Variants in LRP1B observed in about 807,000 individuals in gnomAD.
LRP1B encodes the protein low-density lipoprotein receptor-related protein 1B.
Under a neutral mutation model 556.6 loss-of-function variants are expected in LRP1B, and 217 were observed. The observed-to-expected ratio is 0.39, with a 90% confidence interval of 0.35 to 0.44. The LOEUF is 0.44. LRP1B is among the 20% of genes least tolerant of loss of function. The probability of loss-of-function intolerance (pLI) is 1.00; values close to 1 mark genes in which losing one functional copy is unlikely to be tolerated. For missense variants in LRP1B, 5,053 were observed against 5,620.8 expected (o/e 0.90, Z 3.23); for synonymous variants, 2,047 against 1,865.8 (o/e 1.10, Z -2.50).
chr2:140,971,370 AG>A (rs1224676723), intron 18 of LRP1B, among the ~76,000 whole-genome samples: 1 of 152,188 alleles, frequency 6.6e-6, no homozygotes. Flanking sequence ...GAGCTTTTGG[AG>A]GAAGCCCTGT....
intron 49 of LRP1B, among the ~76,000 whole-genome samples, chr2:140,520,007 CTG>C (rs938121477): frequency 6.6e-6 from 1 of 152,062 alleles, no homozygotes; most frequent in Non-Finnish European, 1.5e-5. Flanking sequence ...TGCTTTTACA[CTG>C]TTTTTGGGAG....
At chr2:141,978,625 C>T (rs1226180552) in intron 1 of LRP1B, among the ~76,000 whole-genome samples, 1 of 151,722 alleles carries the variant, frequency 6.6e-6, no homozygotes, top group Non-Finnish European at 1.5e-5. Context: ...CTTCCAGAGC[C>T]ATTAATAAAG....
chr2:140,317,925 T>C (rs188495919), intron 82 of LRP1B, among the ~76,000 whole-genome samples: 1 of 149,418 alleles, frequency 6.7e-6, no homozygotes, highest in Admixed American at 6.6e-5. Flanking sequence ...ATAATGGTTC[T>C]ATAATGAAAA....
chr2:141,979,416 G>C (rs1220307837), intron 1 of LRP1B, among the ~76,000 whole-genome samples: 1 of 152,078 alleles, frequency 6.6e-6, no homozygotes, highest in Non-Finnish European at 1.5e-5. Flanking sequence ...CTATCTACAT[G>C]TATTTGTCAT....
intron 35 of LRP1B, among the ~76,000 whole-genome samples, chr2:140,737,124 G>C (rs1285033345): frequency 6.6e-6 from 1 of 152,052 alleles, no homozygotes; most frequent in Non-Finnish European, 1.5e-5. Context: ...ATGATCCCTT[G>C]CACAGATCTC....
chr2:141,219,342 G>C (rs527770882), intron 6 of LRP1B, among the ~76,000 whole-genome samples: 2 of 152,348 alleles, frequency 1.3e-5, no homozygotes, highest in East Asian at 3.9e-4. Context: ...ATCACGGCAA[G>C]ATTGCTCCTT....
At chr2:141,013,838 G>T in intron 13 of LRP1B, 93 bp from the exon 14 acceptor site, 2 of 633,660 alleles carry the variant, frequency 3.2e-6, no homozygotes, top group Non-Finnish European at 2.5e-6. Context: ...AAGTATAACA[G>T]ATAATAATCT....
chr2:141,180,085 A>G (rs947860187), intron 7 of LRP1B, among the ~76,000 whole-genome samples: 1 of 151,736 alleles, frequency 6.6e-6, no homozygotes, highest in African/African-American at 2.4e-5. Context: ...TTTGTGCCTG[A>G]TCCATTATTT....
chr2:140,649,094 A>C (rs1421667352), intron 41 of LRP1B, among the ~76,000 whole-genome samples: 2 of 152,122 alleles, frequency 1.3e-5, no homozygotes, highest in Admixed American at 1.3e-4. Flanking sequence ...GTATCTTTTA[A>C]ATATCTTTAG....
chr2:141,595,284 G>A (rs1687477546), intron 2 of LRP1B, among the ~76,000 whole-genome samples: 1 of 152,064 alleles, frequency 6.6e-6, no homozygotes, highest in Non-Finnish European at 1.5e-5. Flanking sequence ...GGGTCATGAT[G>A]TGAAATATAT....
At chr2:141,024,271 C>T (rs1698154822) in intron 11 of LRP1B, among the ~76,000 whole-genome samples, 1 of 152,004 alleles carries the variant, frequency 6.6e-6, no homozygotes, top group Admixed American at 6.6e-5. Flanking sequence ...TGATATTTCT[C>T]AACCTCATTT....
chr2:141,241,290 G>A (rs910014678), intron 5 of LRP1B, among the ~76,000 whole-genome samples: 1 of 152,056 alleles, frequency 6.6e-6, no homozygotes, highest in African/African-American at 2.4e-5. Context: ...GGATTCCAAA[G>A]GCAGGCTGGG....
In LRP1B at chr2:141,658,577, G is replaced by A. The variant is rs145278990; in HGVS notation, c.205+151702C>T. Among the ~76,000 whole-genome samples the A allele has an allele frequency of 9.8e-4, 149 of 152,256 alleles. 2 individuals carry two copies. Among genetic ancestry groups the A allele is most frequent in the South Asian group, 3.3e-3 (16 of 4,822 alleles). On this transcript the variant is annotated intron_variant, in intron 2 of 90. Transcript: ENST00000389484. ...TGAACTATTTTTCATCTTACCTGTC[G>A]GGTGAATGCAGCTATACAACTCCCG...
At chr2:141,054,943 T>C (rs1327997392) in intron 10 of LRP1B, among the ~76,000 whole-genome samples, 173 bp downstream of exon 10, 1 of 152,012 alleles carries the variant, frequency 6.6e-6, no homozygotes, top group Non-Finnish European at 1.5e-5. Context: ...TTCTCATTCA[T>C]ATTATCACAA....
At chr2:140,330,817 C>T (rs1359523005) in intron 79 of LRP1B, among the ~76,000 whole-genome samples, 1 of 151,854 alleles carries the variant, frequency 6.6e-6, no homozygotes, top group Admixed American at 6.6e-5. Flanking sequence ...TGCAATCCAC[C>T]CATCTGACAA....
At chr2:140,431,149 G>A (rs1183749923) in intron 66 of LRP1B, among the ~76,000 whole-genome samples, 4 of 152,086 alleles carry the variant, frequency 2.6e-5, no homozygotes, top group African/African-American at 9.7e-5. Context: ...CAGGCTTTTA[G>A]TATTCAGTGA....
At chr2:141,772,503 G>C (rs1694933402) in intron 2 of LRP1B, among the ~76,000 whole-genome samples, 1 of 152,048 alleles carries the variant, frequency 6.6e-6, no homozygotes, top group Non-Finnish European at 1.5e-5. Flanking sequence ...AAATTCCCAG[G>C]CGCTTCCCAA....
chr2:141,942,203 C>T lies in LRP1B; in HGVS notation c.83-131802G>A, dbSNP rs756079191. On this transcript the variant is annotated intron_variant, in intron 1 of 90. Coordinates refer to ENST00000389484, the MANE Select transcript of LRP1B (RefSeq NM_018557.3). ...CTCCTCAACCAACCTCCTCACTCTC[C>T]GCCCTCGCCCCGCCCTCCACCACAC... Among the ~76,000 whole-genome samples the T allele has an allele frequency of 3.0e-4, 46 of 152,188 alleles. 1 individual carries two copies. Among genetic ancestry groups the T allele is most frequent in the Admixed American group, 2.1e-3 (32 of 15,276 alleles).
Position 141,376,375 on chromosome 2 carries a change from C to A in LRP1B, c.343+104021G>T, listed in dbSNP as rs981852664. 3.3e-5 allele frequency among the ~76,000 whole-genome samples: 5 copies of A among 152,180 alleles called. 1 individual carries two copies. Among genetic ancestry groups the A allele is most frequent in the Admixed American group, 2.6e-4 (4 of 15,272 alleles). On this transcript the variant is annotated intron_variant, in intron 3 of 90. Transcript: ENST00000389484. ...TGTTTCCCCACATCCAGGAGGATCG[C>A]CTGACTGTCAGCCAGTCTCTGGCCA...
Sources: gnomAD v4.1 joint callset for allele counts (sites outside exome capture counted in the v4.1 genomes callset) on GRCh38, gnomAD v4.1.1 for gene constraint, MANE v1.5 for transcripts, NCBI Gene and HGNC (gene_info 2026-07-23, HGNC 2026-07-21) for gene names.